TMC1: variants seen among roughly 807,000 people sequenced by gnomAD.
TMC1 encodes transmembrane channel like 1.
A neutral mutation model predicts 105.8 loss-of-function variants in TMC1; 84 were observed. That is an observed-to-expected ratio of 0.79 (90% CI 0.67 to 0.95). The LOEUF (loss-of-function observed/expected upper bound fraction) is 0.95. Ranked by LOEUF, TMC1 falls within the 40% of genes least tolerant of loss-of-function variation. The pLI is 0.00. For missense variants in TMC1, 817 were observed against 914.1 expected (o/e 0.89, Z 1.37); for synonymous variants, 315 against 311.5 (o/e 1.01, Z -0.12).
chr9:72,666,513 A>C (rs982351845), intron 5 of TMC1, among the ~76,000 whole-genome samples: 13 of 152,214 alleles, frequency 8.5e-5, no homozygotes, highest in African/African-American at 3.1e-4. Context: ...CACAGGGGGA[A>C]ATGTGGTAAA....
intron 13 of TMC1, among the ~76,000 whole-genome samples, chr9:72,778,670 CT>C (rs1828042165): frequency 6.6e-6 from 1 of 152,208 alleles, no homozygotes; most frequent in African/African-American, 2.4e-5. Context: ...CCTTTGTTGA[CT>C]GTCAGACCAA....
intron 23 of TMC1, among the ~76,000 whole-genome samples, chr9:72,830,964 T>C (rs1246512366): frequency 6.6e-6 from 1 of 151,950 alleles, no homozygotes; most frequent in Admixed American, 6.6e-5. Context: ...GCGCAGAAAA[T>C]GAAGAAATCC....
chr9:72,571,892 A>G (rs1202735954), intron 1 of TMC1, among the ~76,000 whole-genome samples: 1 of 151,284 alleles, frequency 6.6e-6, no homozygotes, highest in Non-Finnish European at 1.5e-5. Flanking sequence ...GCTGGAGTGC[A>G]ATGGCGTAAT....
At chr9:72,601,028 T>C (rs562670509) in intron 2 of TMC1, among the ~76,000 whole-genome samples, 1 of 152,192 alleles carries the variant, frequency 6.6e-6, no homozygotes, top group African/African-American at 2.4e-5. Context: ...AGGTTGAATA[T>C]CCCTTATCCA....
intron 5 of TMC1, among the ~76,000 whole-genome samples, chr9:72,684,328 A>G (rs909845973): frequency 5.9e-5 from 9 of 152,146 alleles, no homozygotes; most frequent in African/African-American, 1.7e-4. Context: ...AAGATCATCA[A>G]TATCTCTACA....
chr9:72,580,473 A>T (rs900593426), intron 2 of TMC1, among the ~76,000 whole-genome samples: 2 of 152,166 alleles, frequency 1.3e-5, no homozygotes, highest in African/African-American at 4.8e-5. Context: ...GTCTTGCCTC[A>T]GTCTCTTAAT....
At chr9:72,754,726 A>T in intron 11 of TMC1, 60 bp from the exon 12 acceptor site, 2 of 1,318,172 alleles carry the variant, frequency 1.5e-6, no homozygotes, top group Non-Finnish European at 2.2e-6. Flanking sequence ...ATTTGTGATC[A>T]CATGTGTGGC....
In TMC1 at chr9:72,820,875, C is replaced by G; in HGVS notation, c.1797C>G (p.Gly599=). The G allele has an allele frequency of 1.2e-6, 2 of 1,614,190 alleles. No individual in the cohort carries two copies. The highest frequency in any genetic ancestry group is 1.7e-6 in the Non-Finnish European group (2 of 1,180,034). Residue 599 remains glycine, a synonymous_variant, in exon 20 of 24, where the codon GGC becomes GGG. Transcript: ENST00000297784. ...MGSFFAPSLP[G]INILRLHTSM... is the part of the protein sequence containing the mutation. The stretch of plus-strand genomic sequence containing the variant: ...CCTTCTTTGCTCCCAGCCTCCCAGG[C>G]ATCAATATCCTTCGACTCCATACAT...
intron 17 of TMC1, among the ~76,000 whole-genome samples, chr9:72,799,251 T>C (rs950503521): frequency 2.0e-5 from 3 of 152,208 alleles, no homozygotes; most frequent in African/African-American, 7.2e-5. Flanking sequence ...AGCTTCTGTA[T>C]GTTAGACAAC....
chr9:72,703,154 C>T (rs1228194733), intron 8 of TMC1, among the ~76,000 whole-genome samples: 2 of 151,338 alleles, frequency 1.3e-5, no homozygotes, highest in African/African-American at 4.9e-5. Flanking sequence ...GAGACAGGGT[C>T]TTAACTCTGT....
At chr9:72,809,574 A>T (rs892020106) in intron 18 of TMC1, among the ~76,000 whole-genome samples, 1 of 152,220 alleles carries the variant, frequency 6.6e-6, no homozygotes, top group Non-Finnish European at 1.5e-5. Context: ...GAATACAGGG[A>T]TGTAGAAGAT....
At chr9:72,617,107 T>C (rs1223323797) in intron 3 of TMC1, among the ~76,000 whole-genome samples, 1 of 152,172 alleles carries the variant, frequency 6.6e-6, no homozygotes, top group Non-Finnish European at 1.5e-5. Context: ...TTATTTCCTT[T>C]TGGATATGAA....
At chr9:72,529,751 T>A (rs1330278377) in intron 1 of TMC1, among the ~76,000 whole-genome samples, 6 of 152,110 alleles carry the variant, frequency 3.9e-5, no homozygotes, top group African/African-American at 9.7e-5. Flanking sequence ...AAGAATCAAA[T>A]GTTTATCCTT....
intron 5 of TMC1, among the ~76,000 whole-genome samples, chr9:72,666,461 C>G (rs1826044216): frequency 6.6e-6 from 1 of 152,172 alleles, no homozygotes; most frequent in Admixed American, 6.5e-5. Context: ...GTTATTCCTT[C>G]CTCTTGGACA....
At chr9:72,686,812 A>G (rs1442934013) in intron 5 of TMC1, among the ~76,000 whole-genome samples, 1 of 152,242 alleles carries the variant, frequency 6.6e-6, no homozygotes, top group East Asian at 1.9e-4. Context: ...TTTCTGCAGC[A>G]GTCTTCATTG....
At position 72,820,718 on chromosome 9, in the gene TMC1, G is replaced by T. The variant is rs989751000; in HGVS notation, c.1764-124G>T. 4 of 1,193,480 alleles carry T rather than the reference G, an allele frequency of 3.4e-6. No individual in the cohort carries two copies. The African/African-American group carries it at 4.5e-5, about 13-fold the overall frequency. 73.9% of individuals were successfully genotyped at this position (1,193,480 alleles called of 1,614,324 possible). A position where few individuals can be genotyped will look rare whatever the true frequency, so the allele number is the denominator to read the frequency against. ...GTTTCTTTATGAAAAGGGTTTGTCTGGTTGAAAGTGGCAGTGTATTTTCTG... is the reference window on the plus strand; with the variant it reads ...GTTTCTTTATGAAAAGGGTTTGTCTTGTTGAAAGTGGCAGTGTATTTTCTG... On this transcript the variant is annotated intron_variant, in intron 19 of 23. Coordinates refer to ENST00000297784, the MANE Select transcript of TMC1 (RefSeq NM_138691.3).
intron 5 of TMC1, among the ~76,000 whole-genome samples, chr9:72,659,423 C>G (rs759027923): frequency 1.3e-5 from 2 of 152,074 alleles, no homozygotes; most frequent in Admixed American, 6.6e-5. Flanking sequence ...TTACTTGAGG[C>G]CAGGATATCA....
At chr9:72,787,141 GTCCAGAAAAT>G (rs1385976630) in intron 13 of TMC1, among the ~76,000 whole-genome samples, 2 of 151,948 alleles carry the variant, frequency 1.3e-5, no homozygotes, top group Non-Finnish European at 2.9e-5. Context: ...GCTGGATAAT[GTCCAGAAAAT>G]TATTTCATGC....
chr9:72,686,356 C>T (rs1826380045), intron 5 of TMC1, among the ~76,000 whole-genome samples: 2 of 152,284 alleles, frequency 1.3e-5, no homozygotes, highest in South Asian at 4.1e-4. Flanking sequence ...CCATCTCAGA[C>T]ATTGTCTGAG....
Sources: gnomAD v4.1 joint callset for allele counts (sites outside exome capture counted in the v4.1 genomes callset) on GRCh38, gnomAD v4.1.1 for gene constraint, MANE v1.5 for transcripts, NCBI Gene and HGNC (gene_info 2026-07-23, HGNC 2026-07-21) for gene names.